The following MID1 variants were observed in gnomAD, a reference collection of about 807,000 sequenced individuals.
MID1 encodes midline 1.
In MID1, 7 loss-of-function variants were observed where a neutral mutation model predicts 40.4. The ratio of observed to expected loss-of-function variants is 0.17; its 90% CI spans 0.10 to 0.33. The LOEUF (loss-of-function observed/expected upper bound fraction) is 0.33, where lower values mean the gene tolerates loss of function less well. MID1 is among the 10% of genes least tolerant of loss of function. The probability of loss-of-function intolerance (pLI) is 1.00; values close to 1 mark genes in which losing one functional copy is unlikely to be tolerated. For missense variants in MID1, 367 were observed against 558.5 expected (o/e 0.66, Z 3.46); for synonymous variants, 229 against 221.2 (o/e 1.04, Z -0.31).
intron 1 of MID1, among the ~76,000 whole-genome samples, chrX:10,730,823 G>T (rs904200871): frequency 9.1e-6 from 1 of 110,248 alleles, no homozygotes; most frequent in African/African-American, 3.3e-5. Context: ...ATCCGCCCAC[G>T]TCGGCCTCCC....
At chrX:10,714,860 T>C (rs751818446) in intron 1 of MID1, among the ~76,000 whole-genome samples, 4 of 112,148 alleles carry the variant, frequency 3.6e-5, no homozygotes, top group African/African-American at 1.3e-4. Context: ...AGTGACAATA[T>C]GTAGAATGCC....
At chrX:10,713,128 C>G (rs2043279937) in intron 1 of MID1, among the ~76,000 whole-genome samples, 1 of 111,634 alleles carries the variant, frequency 9.0e-6, no homozygotes, top group Non-Finnish European at 1.9e-5. Flanking sequence ...AGCCACCACA[C>G]CCGGCCAGCA....
chrX:10,716,739 T>C (rs1793140361), intron 1 of MID1, among the ~76,000 whole-genome samples: 1 of 110,993 alleles, frequency 9.0e-6, no homozygotes, highest in African/African-American at 3.3e-5. Flanking sequence ...AGACACATAA[T>C]TGTCAGATTC....
chrX:10,784,094 A>G (rs2043864352), intron 1 of MID1, among the ~76,000 whole-genome samples: 1 of 111,944 alleles, frequency 8.9e-6, no homozygotes, highest in African/African-American at 3.2e-5. Flanking sequence ...GTTTTTACAT[A>G]GCTATAAAAT....
intron 5 of MID1, 67 bp downstream of exon 5, chrX:10,482,413 C>T: frequency 8.9e-7 from 1 of 1,125,743 alleles, no homozygotes. Context: ...GAGGGCAAGA[C>T]CAACCAATCA....
chrX:10,747,291 T>A (rs1489003299), intron 1 of MID1, among the ~76,000 whole-genome samples: 2 of 112,023 alleles, frequency 1.8e-5, no homozygotes, highest in Non-Finnish European at 3.8e-5. Flanking sequence ...CCGTGGCAGC[T>A]GGAAAATGAG....
intron 1 of MID1, among the ~76,000 whole-genome samples, chrX:10,804,811 A>C (rs2044032000): frequency 9.0e-6 from 1 of 111,624 alleles, no homozygotes; most frequent in Non-Finnish European, 1.9e-5. Flanking sequence ...AAGTCAGATA[A>C]GGCTCTGGTA....
At chrX:10,558,779 G>C (rs1489972381) in intron 2 of MID1, among the ~76,000 whole-genome samples, 1 of 112,768 alleles carries the variant, frequency 8.9e-6, no homozygotes, top group African/African-American at 3.2e-5. Context: ...CATTAGCCCT[G>C]TTTTATAGAC....
At chrX:10,528,537 T>C (rs939388336) in intron 2 of MID1, among the ~76,000 whole-genome samples, 2 of 112,248 alleles carry the variant, frequency 1.8e-5, no homozygotes, top group Non-Finnish European at 3.8e-5. Flanking sequence ...ATTCTGCTGC[T>C]GTTTTAGCAT....
intron 6 of MID1, among the ~76,000 whole-genome samples, chrX:10,472,624 T>C: frequency 8.9e-6 from 1 of 112,300 alleles, no homozygotes; most frequent in Middle Eastern, 4.6e-3. Context: ...CAGACATAAG[T>C]GGAAGTTTGC....
chrX:10,566,810 A>C, intron 2 of MID1, 78 bp downstream of exon 2: 14 of 1,029,035 alleles, frequency 1.4e-5, no homozygotes, highest in Non-Finnish European at 1.6e-5. Context: ...CCTGCCATGT[A>C]GCTAGCAGTG....
At chrX:10,759,403 T>A (rs2043658958) in intron 1 of MID1, among the ~76,000 whole-genome samples, 1 of 111,487 alleles carries the variant, frequency 9.0e-6, no homozygotes, top group Non-Finnish European at 1.9e-5. Flanking sequence ...GGAAAGAGGA[T>A]CACATAGGCG....
chrX:10,553,582 T>G (rs1934009861), intron 2 of MID1, among the ~76,000 whole-genome samples: 2 of 112,073 alleles, frequency 1.8e-5, no homozygotes, highest in African/African-American at 6.5e-5. Flanking sequence ...TTTACATTTT[T>G]AGCCAGGGTA....
In MID1 at chrX:10,661,624, A is replaced by T. The variant is rs181249952; in HGVS notation, c.-186-41205T>A. Among the ~76,000 whole-genome samples, 3 of 111,673 alleles carry T rather than the reference A, an allele frequency of 2.7e-5. No individual in the cohort carries two copies. In the Admixed American group the frequency reaches 2.9e-4, roughly 11 times the overall value. The stretch of plus-strand genomic sequence containing the variant: ...CACCGCACCCGGCATTGTGTCTCCA[A>T]CTATTTCATAATAAAAAAAGTTATA... On this transcript the variant is annotated intron_variant, in intron 1 of 10. Coordinates refer to the MID1 transcript ENST00000380785.
At chrX:10,606,343 G>A (rs1379707487) in intron 1 of MID1, among the ~76,000 whole-genome samples, 1 of 109,387 alleles carries the variant, frequency 9.1e-6, no homozygotes, top group Non-Finnish European at 1.9e-5. Context: ...ATCAAGTAGG[G>A]GTAAATTTAT....
intron 1 of MID1, among the ~76,000 whole-genome samples, chrX:10,801,502 C>T (rs1228062292): frequency 8.9e-6 from 1 of 111,911 alleles, no homozygotes; most frequent in Non-Finnish European, 1.9e-5. Context: ...GGTCAATTCA[C>T]TTACTCACCA....
chrX:10,581,894 C>T (rs1014489715), intron 1 of MID1, among the ~76,000 whole-genome samples: 3 of 111,801 alleles, frequency 2.7e-5, no homozygotes, highest in Admixed American at 9.5e-5. Flanking sequence ...CCCATATGCA[C>T]TCTTTGTCAG....
At chrX:10,720,858 C>T (rs1282738116) in intron 1 of MID1, among the ~76,000 whole-genome samples, 2 of 110,057 alleles carry the variant, frequency 1.8e-5, no homozygotes, top group Non-Finnish European at 3.8e-5. Flanking sequence ...CCATGGAATA[C>T]TATGCAGCCA....
At chrX:10,808,555 A>G (rs975162928) in intron 1 of MID1, among the ~76,000 whole-genome samples, 2 of 106,358 alleles carry the variant, frequency 1.9e-5, no homozygotes, top group African/African-American at 6.9e-5. Context: ...TCTATGGTAC[A>G]CCTCCCTATG....
Sources: allele counts gnomAD v4.1 joint callset (sites outside exome capture counted in the v4.1 genomes callset), GRCh38; gene constraint gnomAD v4.1.1; transcripts MANE v1.5; gene names NCBI Gene and HGNC (gene_info 2026-07-23, HGNC 2026-07-21).